CHN1: variants seen among roughly 807,000 people sequenced by gnomAD.
The protein encoded by CHN1 is N-chimaerin.
CHN1 carries 37 observed loss-of-function variants against 59.5 expected under a neutral mutation model. The observed-to-expected ratio is 0.62, with a 90% CI of 0.48 to 0.82. CHN1 has a LOEUF of 0.82. Ranked by LOEUF, CHN1 falls within the 40% of genes least tolerant of loss-of-function variation. The probability of loss-of-function intolerance (pLI) is 0.00; values close to 1 mark genes in which losing one functional copy is unlikely to be tolerated. For missense variants in CHN1, 469 were observed against 571.0 expected (o/e 0.82, Z 1.82); for synonymous variants, 206 against 200.4 (o/e 1.03, Z -0.24).
chr2:174,941,076 G>A (rs970243428), intron 3 of CHN1, among the ~76,000 whole-genome samples: 7 of 151,818 alleles, frequency 4.6e-5, no homozygotes, highest in Admixed American at 3.9e-4. Flanking sequence ...CTCACATAAT[G>A]TGTTATAATC....
chr2:174,922,204 T>C (rs1689036082), intron 3 of CHN1, among the ~76,000 whole-genome samples: 1 of 152,210 alleles, frequency 6.6e-6, no homozygotes, highest in East Asian at 1.9e-4. Context: ...GAAATTTCAA[T>C]GTTTAAGTCT....
At chr2:174,973,353 G>A (rs746739499) in intron 1 of CHN1, among the ~76,000 whole-genome samples, 1 of 152,170 alleles carries the variant, frequency 6.6e-6, no homozygotes, top group Non-Finnish European at 1.5e-5. Flanking sequence ...AAATCTTCCT[G>A]ATGATATCAG....
At chr2:175,003,036 A>G (rs1170801859) in intron 1 of CHN1, among the ~76,000 whole-genome samples, 5 of 152,216 alleles carry the variant, frequency 3.3e-5, no homozygotes, top group African/African-American at 1.2e-4. Flanking sequence ...GAGTGAGCAT[A>G]AGAATCACAA....
intron 3 of CHN1, among the ~76,000 whole-genome samples, chr2:174,934,276 C>T (rs1689435253): frequency 6.6e-6 from 1 of 152,182 alleles, no homozygotes; most frequent in Admixed American, 6.5e-5. Context: ...GAGACAGTGA[C>T]AGATCATCAG....
intron 3 of CHN1, among the ~76,000 whole-genome samples, chr2:174,939,706 G>C (rs1281277074): frequency 6.6e-6 from 1 of 152,100 alleles, no homozygotes; most frequent in Non-Finnish European, 1.5e-5. Context: ...TTATTAAATA[G>C]CATTTTTAAA....
chr2:174,923,943 C>A (rs1412935818), intron 3 of CHN1, among the ~76,000 whole-genome samples: 2 of 152,080 alleles, frequency 1.3e-5, no homozygotes, highest in African/African-American at 4.8e-5. Flanking sequence ...AAAATTCACA[C>A]ACCAATTTCA....
chr2:174,869,881 C>A (rs1465340319), intron 6 of CHN1, among the ~76,000 whole-genome samples: 1 of 152,020 alleles, frequency 6.6e-6, no homozygotes, highest in Non-Finnish European at 1.5e-5. Context: ...GTGAAAGGAA[C>A]AGGGGTGTAA....
chr2:175,003,207 T>A (rs1691945231), intron 1 of CHN1, among the ~76,000 whole-genome samples: 1 of 152,264 alleles, frequency 6.6e-6, no homozygotes, highest in African/African-American at 2.4e-5. Flanking sequence ...CAAGAGTGCT[T>A]TGTTTTATAA....
chr2:174,995,345 T>C (rs1287828474), intron 1 of CHN1, among the ~76,000 whole-genome samples: 4 of 152,248 alleles, frequency 2.6e-5, no homozygotes, highest in African/African-American at 9.6e-5. Flanking sequence ...CATGCTATTC[T>C]GAGCAGCATG....
intron 1 of CHN1, among the ~76,000 whole-genome samples, chr2:174,959,598 G>A (rs1302993514): frequency 6.6e-6 from 1 of 152,140 alleles, no homozygotes; most frequent in Admixed American, 6.6e-5. Flanking sequence ...AAAGAGTTCT[G>A]TCACAGAAGA....
chr2:174,943,180 GC>G (rs1689720427), intron 3 of CHN1, among the ~76,000 whole-genome samples: 1 of 129,872 alleles, frequency 7.7e-6, no homozygotes, highest in South Asian at 2.3e-4. Flanking sequence ...TTTAGGGTTT[GC>G]TTGTGTGTGT....
chr2:174,837,590 G>C (rs1206455148), intron 7 of CHN1, among the ~76,000 whole-genome samples: 1 of 152,188 alleles, frequency 6.6e-6, no homozygotes, highest in Non-Finnish European at 1.5e-5. Context: ...AGCAGCTGAT[G>C]ATATGGTGGT....
chr2:174,861,651 C>CA (rs1272216092), intron 6 of CHN1, among the ~76,000 whole-genome samples: 6 of 152,036 alleles, frequency 3.9e-5, no homozygotes, highest in Non-Finnish European at 8.8e-5. Context: ...ATTTGGCAGT[C>CA]AAAATGTATG....
intron 3 of CHN1, among the ~76,000 whole-genome samples, chr2:174,941,066 C>T (rs1244338616): frequency 1.3e-5 from 2 of 152,120 alleles, no homozygotes; most frequent in Non-Finnish European, 2.9e-5. Context: ...CAAATTCTCT[C>T]TCACATAATG....
chr2:174,938,591 C>G (rs115085955), intron 3 of CHN1, among the ~76,000 whole-genome samples: 150 of 152,192 alleles, frequency 9.9e-4, no homozygotes, highest in Admixed American at 1.8e-3. Flanking sequence ...AGAGAACGGT[C>G]AAATATAGAA....
Position 174,915,184 on chromosome 2 carries a change from G to A in CHN1, c.147-13C>T. 6.3e-7 allele frequency: 1 copy of A among 1,584,494 alleles called. No individual in the cohort carries two copies. Among genetic ancestry groups the A allele is most frequent in the Non-Finnish European group, 8.6e-7 (1 of 1,158,870 alleles). ...CATGCCATGAAACCTAAGAAACAAAGTCTATTCAGAAACTGTGCTTTCTAC... is the reference window on the plus strand; with the variant it reads ...CATGCCATGAAACCTAAGAAACAAAATCTATTCAGAAACTGTGCTTTCTAC... On this transcript the variant is annotated splice_polypyrimidine_tract_variant and intron_variant, in intron 4 of 12. Transcript: ENST00000409900.
intron 1 of CHN1, among the ~76,000 whole-genome samples, chr2:174,957,484 A>T (rs893022464): frequency 2.0e-5 from 3 of 149,046 alleles, no homozygotes; most frequent in Non-Finnish European, 4.4e-5. Context: ...AGTTTGTCTT[A>T]ATAAGTAAAC....
At chr2:174,881,922 T>C (rs949977402) in intron 5 of CHN1, among the ~76,000 whole-genome samples, 1 of 152,142 alleles carries the variant, frequency 6.6e-6, no homozygotes, top group African/African-American at 2.4e-5. Flanking sequence ...AGCTGAGAGA[T>C]TTACATATAT....
At chr2:174,986,941 T>C (rs1190012529) in intron 1 of CHN1, among the ~76,000 whole-genome samples, 1 of 152,020 alleles carries the variant, frequency 6.6e-6, no homozygotes, top group Non-Finnish European at 1.5e-5. Context: ...TTTCACTGTG[T>C]TAGCCAGGAT....
Sources: gnomAD v4.1 joint callset for allele counts (sites outside exome capture counted in the v4.1 genomes callset) on GRCh38, gnomAD v4.1.1 for gene constraint, MANE v1.5 for transcripts, NCBI Gene and HGNC (gene_info 2026-07-23, HGNC 2026-07-21) for gene names.